GPR161: variants seen among roughly 807,000 people sequenced by gnomAD.
GPR161 encodes the protein G-protein coupled receptor RE2.
Under a neutral mutation model 39.2 loss-of-function variants are expected in GPR161, and 25 were observed. The observed-to-expected ratio is 0.64, with a 90% CI of 0.47 to 0.89. The LOEUF (loss-of-function observed/expected upper bound fraction) is 0.89, where lower values mean the gene tolerates loss of function less well. Among genes scored for constraint, GPR161 ranks in the 40% least tolerant of loss-of-function variants. The probability of loss-of-function intolerance (pLI) is 0.00; values close to 1 mark genes in which losing one functional copy is unlikely to be tolerated. For missense variants in GPR161, 547 were observed against 677.8 expected (o/e 0.81, Z 2.14); for synonymous variants, 286 against 276.6 (o/e 1.03, Z -0.34).
chr1:168,110,524 G>T (rs1218065172), intron 1 of GPR161, among the ~76,000 whole-genome samples: 4 of 66,290 alleles, frequency 6.0e-5, no homozygotes, highest in African/African-American at 2.4e-4. Context: ...AAAAAAAAAC[G>T]AAAGAAAGGA....
Position 168,084,642 on chromosome 1 carries a change from T to A in GPR161, c.*889A>T, listed in dbSNP as rs1694301401. On this transcript the variant is annotated 3_prime_UTR_variant, in exon 6 of 6. Transcript: ENST00000682931. ...GGTCACTCAAACATCACACATAGAA[T>A]CTATTTAATGAGGCTTTCCCATGTG... The A allele has an allele frequency of 2.7e-6, 1 of 364,382 alleles. No homozygotes were observed. The highest frequency in any genetic ancestry group is 5.3e-6 in the Non-Finnish European group (1 of 187,436). The allele number at this position is 364,382 out of a possible 1,614,324, so 22.6% of individuals were successfully genotyped here.
intron 1 of GPR161, among the ~76,000 whole-genome samples, chr1:168,118,226 C>T (rs956177025): frequency 1.3e-5 from 2 of 152,116 alleles, no homozygotes; most frequent in Admixed American, 6.6e-5. Context: ...TGAAAATATT[C>T]GCAAATTATG....
chr1:168,085,810 C>A lies in GPR161; in HGVS notation c.1325-14G>T, dbSNP rs1378444298. Reference sequence around the variant, plus strand: ...TCTTGGCAGCTTCTGAGGGAGAAGGCAGAAAAAAAAGTCAGCTGAGGAGCC... The same window carrying A: ...TCTTGGCAGCTTCTGAGGGAGAAGGAAGAAAAAAAAGTCAGCTGAGGAGCC... On this transcript the variant is annotated splice_polypyrimidine_tract_variant and intron_variant, in intron 5 of 5. Transcript: ENST00000682931. 3 of 1,598,930 alleles carry A rather than the reference C, an allele frequency of 1.9e-6. No individual in the cohort carries two copies. The highest frequency in any genetic ancestry group is 1.7e-6 in the Non-Finnish European group (2 of 1,170,334).
intron 4 of GPR161, among the ~76,000 whole-genome samples, chr1:168,090,140 G>T (rs1013642781): frequency 1.3e-5 from 2 of 152,186 alleles, no homozygotes; most frequent in Admixed American, 6.5e-5. Context: ...GGGGAAAGTT[G>T]AGGGTTTAGG....
chr1:168,136,870 C>T lies in GPR161; in HGVS notation c.-176G>A. 1 of 982,260 alleles carries T rather than the reference C, an allele frequency of 1.0e-6. No individual in the cohort carries two copies. Among genetic ancestry groups the T allele is most frequent in the East Asian group, 1.1e-4 (1 of 8,736 alleles). The allele number at this position is 982,260 out of a possible 1,614,324, so 60.8% of individuals were successfully genotyped here. The stretch of plus-strand genomic sequence containing the variant: ...TTTCGGGTTTCAGCCCACCGAGCCC[C>T]GCTTCGCTCCTCCCGCGGGCCAGCC... On this transcript the variant is annotated 5_prime_UTR_variant, in exon 1 of 6. Transcript: ENST00000682931.
Position 168,096,818 on chromosome 1 carries a change from G to A in GPR161, c.789C>T (p.Ala263=). 6.2e-7 allele frequency: 1 copy of A among 1,614,066 alleles called. No individual in the cohort carries two copies. The highest frequency in any genetic ancestry group is 8.5e-7 in the Non-Finnish European group (1 of 1,180,008). ...TGGTGATGAGGGCTTTGCACTGGTTGGCCGAGTAGACCACACCCTGAAAGG... is the reference window on the plus strand; with the variant it reads ...TGGTGATGAGGGCTTTGCACTGGTTAGCCGAGTAGACCACACCCTGAAAGG... ...RNAFQGVVYS[A]NQCKALITIL... is the part of the protein sequence containing the mutation. Residue 263 remains alanine (A), a synonymous_variant, in exon 3 of 6, where the codon GCC becomes GCT. Coordinates refer to ENST00000682931, the MANE Select transcript of GPR161 (RefSeq NM_001375883.1).
chr1:168,097,646 C>T lies in GPR161; in HGVS notation c.375-414G>A, dbSNP rs151276760. Among the ~76,000 whole-genome samples, 33 of 152,290 alleles carry T rather than the reference C, an allele frequency of 2.2e-4. 1 individual carries two copies. Among genetic ancestry groups the T allele is most frequent in the African/African-American group, 5.5e-4 (23 of 41,554 alleles). On this transcript the variant is annotated intron_variant, in intron 2 of 5. Coordinates refer to ENST00000682931, the MANE Select transcript of GPR161 (RefSeq NM_001375883.1). ...GAACCAGAATGATGTTGAAGGACTA[C>T]GGGCTTCATTCAACCAATGGACATT... is the stretch of plus-strand genomic sequence containing the variant.
intron 1 of GPR161, among the ~76,000 whole-genome samples, chr1:168,125,841 C>T (rs1424560019): frequency 6.6e-6 from 1 of 152,170 alleles, no homozygotes; most frequent in Non-Finnish European, 1.5e-5. Context: ...TGGTCTCAAA[C>T]TCCTGACCTC....
At chr1:168,131,936 T>C (rs1394518768) in intron 1 of GPR161, among the ~76,000 whole-genome samples, 1 of 152,204 alleles carries the variant, frequency 6.6e-6, no homozygotes, top group Non-Finnish European at 1.5e-5. Flanking sequence ...GCAATCAATT[T>C]AGAGTAAACT....
At chr1:168,094,932 T>C (rs571674790) in intron 3 of GPR161, among the ~76,000 whole-genome samples, 1 of 152,342 alleles carries the variant, frequency 6.6e-6, no homozygotes, top group South Asian at 2.1e-4. Context: ...TCTCCTCAGT[T>C]GTATTTATTA....
chr1:168,081,556 C>CTG lies in GPR161; in HGVS notation c.*3974_*3975insCA, dbSNP rs1694076442. ...GACAGTCACCCTGTGACGGAGGACT[C>CTG]CCTCAATCCTGTGTGTCTCCACATT... On this transcript the variant is annotated 3_prime_UTR_variant, in exon 6 of 6. Coordinates refer to ENST00000682931, the MANE Select transcript of GPR161 (RefSeq NM_001375883.1). The CTG allele has an allele frequency of 3.3e-5, 5 of 152,350 alleles. No individual in the cohort carries two copies. The South Asian group carries it at 6.2e-4, about 19-fold the overall frequency. The allele number at this position is 152,350 out of a possible 1,614,324, so 9.4% of individuals were successfully genotyped here. A position where few individuals can be genotyped will look rare whatever the true frequency, so the allele number is the denominator to read the frequency against.
rs141719759 is a variant in GPR161 at position 168,123,440 on chromosome 1, A to G, written c.-45+13299T>C. Among the ~76,000 whole-genome samples, 334 of 152,210 alleles carry G rather than the reference A, an allele frequency of 2.2e-3. 1 individual carries two copies. Among genetic ancestry groups the G allele is most frequent in the African/African-American group, 7.8e-3 (325 of 41,522 alleles). On this transcript the variant is annotated intron_variant, in intron 1 of 5. Transcript: ENST00000682931. ...ACCACTACACCCCAGCCTGGGCAAC[A>G]GAGCAAGACCCTGTCTCAAAAAATT... is the stretch of plus-strand genomic sequence containing the variant.
intron 1 of GPR161, among the ~76,000 whole-genome samples, chr1:168,131,055 T>C (rs1307890927): frequency 6.6e-6 from 1 of 152,174 alleles, no homozygotes; most frequent in African/African-American, 2.4e-5. Context: ...ATAGTGTGTG[T>C]AAAGCAGTTG....
At position 168,104,446 on chromosome 1, in the gene GPR161, C is replaced by A. The variant is rs372132439; in HGVS notation, c.374+31G>T. ...ACCAGATGAGCGCCCGTCAGTAATC[C>A]CTCAATTCTCTAAGTCTGAGGCATG... On this transcript the variant is annotated intron_variant, in intron 2 of 5. Coordinates refer to ENST00000682931, the MANE Select transcript of GPR161 (RefSeq NM_001375883.1). The A allele has an allele frequency of 1.3e-5, 21 of 1,578,748 alleles. No individual in the cohort carries two copies. The African/African-American group carries it at 2.4e-4, about 18-fold the overall frequency.
intron 1 of GPR161, chr1:168,133,902 T>A: frequency 1.0e-6 from 1 of 969,728 alleles, no homozygotes; most frequent in Non-Finnish European, 1.2e-6. Context: ...GGTGACCATA[T>A]TGAGCACACT....
At chr1:168,135,666 A>C (rs1572404080) in intron 1 of GPR161, among the ~76,000 whole-genome samples, 2 of 85,616 alleles carry the variant, frequency 2.3e-5, no homozygotes, top group South Asian at 6.5e-4. Context: ...ACTAGGGGAG[A>C]AGAAGCCAGG....
rs527750857 is a variant in GPR161, at chr1:168,119,821, C to T, written c.-44-14927G>A. Reference sequence around the variant, plus strand: ...GTTTCAGTGGGTGCAAGCCCCAAGCCGTGGCAGCTTCCACGTAGTGTTGGG... The same window carrying T: ...GTTTCAGTGGGTGCAAGCCCCAAGCTGTGGCAGCTTCCACGTAGTGTTGGG... On this transcript the variant is annotated intron_variant, in intron 1 of 5. Transcript: ENST00000682931. 7.2e-5 allele frequency among the ~76,000 whole-genome samples: 11 copies of T among 152,044 alleles called. No homozygotes were observed. The South Asian group carries it at 2.1e-3, about 29-fold the overall frequency.
chr1:168,120,352 T>C (rs775108434), intron 1 of GPR161, among the ~76,000 whole-genome samples: 6 of 152,164 alleles, frequency 3.9e-5, no homozygotes, highest in South Asian at 2.1e-4. Context: ...ATTTCTCCCA[T>C]TTGGAATGGG....
intron 3 of GPR161, among the ~76,000 whole-genome samples, chr1:168,091,316 G>A (rs570758551): frequency 2.6e-5 from 4 of 152,302 alleles, no homozygotes; most frequent in East Asian, 1.9e-4. Context: ...AGTGAGCCCC[G>A]GGCACAGCCG....
Sources: gnomAD v4.1 joint callset for allele counts (sites outside exome capture counted in the v4.1 genomes callset) on GRCh38, gnomAD v4.1.1 for gene constraint, MANE v1.5 for transcripts, NCBI Gene and HGNC (gene_info 2026-07-23, HGNC 2026-07-21) for gene names.